Variants in FGR observed in about 807,000 individuals in gnomAD.
FGR encodes the protein tyrosine-protein kinase Fgr.
In FGR, 26 loss-of-function variants were observed where a neutral mutation model predicts 63.2. The observed-to-expected ratio is 0.41, with a 90% CI of 0.30 to 0.57. The LOEUF is 0.57. Ranked by LOEUF, FGR falls within the 20% of genes least tolerant of loss-of-function variation. The pLI, the probability that FGR is intolerant of heterozygous loss-of-function variation, is 0.27. For synonymous variants in FGR, 286 were observed against 277.7 expected, an observed-to-expected ratio of 1.03 and a Z score of -0.30; for missense variants, 511 against 690.8, an observed-to-expected ratio of 0.74 and a Z score of 2.92.
At chr1:27,622,962 G>T in intron 4 of FGR, 80 bp downstream of exon 4, 2 of 991,870 alleles carry the variant, frequency 2.0e-6, no homozygotes, top group Non-Finnish European at 1.6e-6. Context: ...GCATTCTGAG[G>T]CTAGGGACCA....
chr1:27,626,265 G>C, intron 1 of FGR: 1 of 398,548 alleles, frequency 2.5e-6, no homozygotes, highest in East Asian at 3.6e-5. Flanking sequence ...GAGAGGGCTT[G>C]GTTTCCTAAG....
Position 27,615,994 on chromosome 1 carries a change from G to A in FGR, c.683-150C>T, listed in dbSNP as rs928278134. ...CACAGGCCAGGAAGAAAGGCAACCC[G>A]ATCCACTAAATAGGGGAACATGTTG... On this transcript the variant is annotated intron_variant, in intron 7 of 12. Transcript: ENST00000374005. This position sits in a 1 kb window ranked among gnomAD's most constrained non-coding sequence, Gnocchi z 7.6. 10 of 846,580 alleles carry A rather than the reference G, an allele frequency of 1.2e-5. No individual in the cohort carries two copies. Among genetic ancestry groups the A allele is most frequent in the Non-Finnish European group, 1.8e-5 (10 of 567,300 alleles). The allele number at this position is 846,580 out of a possible 1,614,324, so 52.4% of individuals were successfully genotyped here.
chr1:27,631,586 A>G (rs72886364), intron 1 of FGR, among the ~76,000 whole-genome samples: 4,258 of 152,112 alleles, frequency 0.028, 185 homozygotes, highest in African/African-American at 0.097. Context: ...ACAAATGTCC[A>G]CCTCCTGGGG....
chr1:27,614,722 C>A, intron 10 of FGR, 128 bp downstream of exon 10: 1 of 1,333,538 alleles, frequency 7.5e-7, no homozygotes, highest in Non-Finnish European at 1.0e-6. Flanking sequence ...CAGTACCTCT[C>A]AGGCACAGCT....
Position 27,617,044 on chromosome 1 carries a change from T to C in FGR, c.533-38A>G, listed in dbSNP as rs372915431. Reference sequence around the variant, plus strand: ...TCACTTTTGATCTGCTGTTCTCCTCTGCCCTAGTCTGGGAGCTGGGAGAGG... The same window carrying C: ...TCACTTTTGATCTGCTGTTCTCCTCCGCCCTAGTCTGGGAGCTGGGAGAGG... On this transcript the variant is annotated intron_variant, in intron 6 of 12. Coordinates refer to ENST00000374005, the MANE Select transcript of FGR (RefSeq NM_005248.3). This position sits in a 1 kb window ranked among gnomAD's most constrained non-coding sequence, Gnocchi z 4.5. 2.7e-5 allele frequency: 43 copies of C among 1,611,986 alleles called. No individual in the cohort carries two copies. The highest frequency in any genetic ancestry group is 3.6e-5 in the Non-Finnish European group (42 of 1,178,656).
At chr1:27,635,017 GA>G in intron 1 of FGR, 47 bp downstream of exon 1, 1 of 152,396 alleles carries the variant, frequency 6.6e-6, no homozygotes, top group Non-Finnish European at 1.5e-5. Context: ...CCTCGAGGGG[GA>G]GGGCACTGCT....
chr1:27,613,072 G>A lies in FGR; in HGVS notation c.1432C>T (p.Pro478Ser). ...LEQVEQGYHM[P>S]CPPGCPASLY... ...GATGCTGGGCAGCCTGGAGGGCACG[G>A]CATGTGGTAGCCCTGCTCCACCTGT... is the stretch of plus-strand genomic sequence containing the variant. Residue 478 changes from proline (P) to serine (S), a missense_variant, in exon 13 of 13, where the codon CCG becomes TCG. By Grantham distance (74) the Pro-to-Ser change is moderately conservative (BLOSUM62 -1). Coordinates refer to ENST00000374005, the MANE Select transcript of FGR (RefSeq NM_005248.3). 6.2e-7 allele frequency: 1 copy of A among 1,614,204 alleles called. No individual in the cohort carries two copies. Among genetic ancestry groups the A allele is most frequent in the Non-Finnish European group, 8.5e-7 (1 of 1,180,024 alleles).
Position 27,617,166 on chromosome 1 carries a change from C to T in FGR, c.532+27G>A, listed in dbSNP as rs757180373. On this transcript the variant is annotated intron_variant, in intron 6 of 12. Transcript: ENST00000374005. The surrounding 1 kb of genome is among the most constrained non-coding windows in gnomAD (Gnocchi z 4.5). ...TACCCCAATGGCTGGGCCTCCCAGT[C>T]GCCTTGGGGCGTGGCACCACCCCTA... is the stretch of plus-strand genomic sequence containing the variant. 1.1e-5 allele frequency: 18 copies of T among 1,607,166 alleles called. No homozygotes were observed. Among genetic ancestry groups the T allele is most frequent in the African/African-American group, 2.7e-5 (2 of 74,746 alleles).
chr1:27,626,108 A>G (rs2090017377), intron 1 of FGR: 2 of 398,708 alleles, frequency 5.0e-6, no homozygotes, highest in East Asian at 3.6e-5. Context: ...TGGGGCTACC[A>G]GAGTACCTTG....
Position 27,614,926 on chromosome 1 carries a change from C to A in FGR, c.1019G>T (p.Gly340Val). The A allele has an allele frequency of 6.3e-7, 1 of 1,595,726 alleles. No individual in the cohort carries two copies. The highest frequency in any genetic ancestry group is 8.5e-7 in the Non-Finnish European group (1 of 1,169,596). The change falls in exon 10 of 13, where the codon GGC (glycine) becomes GTC (valine). Residue 340 changes from glycine (G) to valine (V), a missense_variant and splice_region_variant. Gly to Val is a moderately radical substitution (Grantham distance 109). Transcript: ENST00000374005. Reference sequence around the variant, plus strand: ...GTTCTTGAGAAAATCCAGCAAGCTGCCTGGGAAGAAGCCAGAAAGTCAGCG... The same window carrying A: ...GTTCTTGAGAAAATCCAGCAAGCTGACTGGGAAGAAGCCAGAAAGTCAGCG... ...IYIVTEFMCH[G>V]SLLDFLKNPE...
At position 27,615,509 on chromosome 1, in the gene FGR, G is replaced by A; in HGVS notation, c.943C>T (p.His315Tyr). 6.2e-7 allele frequency: 1 copy of A among 1,613,884 alleles called. No homozygotes were observed. Among genetic ancestry groups the A allele is most frequent in the Non-Finnish European group, 8.5e-7 (1 of 1,179,768 alleles). The change falls in exon 9 of 13, where the codon CAC becomes TAC. Residue 315 changes from histidine to tyrosine, a missense_variant. Coordinates refer to ENST00000374005, the MANE Select transcript of FGR (RefSeq NM_005248.3). This position sits in a 1 kb window ranked among gnomAD's most constrained non-coding sequence, Gnocchi z 7.6. ...EEAQVMKLLRHDKLVQLYAVV... is the reference protein window; with the variant it reads ...EEAQVMKLLRYDKLVQLYAVV... ...GCGTACAGCTGCACCAGCTTGTCGT[G>A]CCGCAGCAGCTTCATGACCTGCGCC...
At chr1:27,629,949 T>C (rs1163360798) in intron 1 of FGR, among the ~76,000 whole-genome samples, 1 of 152,224 alleles carries the variant, frequency 6.6e-6, no homozygotes, top group African/African-American at 2.4e-5. Flanking sequence ...GAAGCAATAA[T>C]GCAAGCTTGT....
At chr1:27,621,730 C>A in intron 4 of FGR, 73 bp from the exon 5 acceptor site, 1 of 1,061,148 alleles carries the variant, frequency 9.4e-7, no homozygotes, top group Non-Finnish European at 1.5e-6. Flanking sequence ...GGTGGAGCCA[C>A]ACAGGTCTGC....
rs2148533896 is a variant in FGR, at chr1:27,635,097, G to C, written c.-109C>G. On this transcript the variant is annotated 5_prime_UTR_variant, in exon 1 of 13. Transcript: ENST00000374005. ...CCAATTCTGCCCGGCCCCGGGGTGA[G>C]CCAGCCGGGGCTCCAGCAGCCGCGA... The C allele has an allele frequency of 6.6e-6, 1 of 152,452 alleles. No individual in the cohort carries two copies. The highest frequency in any genetic ancestry group is 2.1e-4 in the South Asian group (1 of 4,832). 9.4% of individuals were successfully genotyped at this position (152,452 alleles called of 1,614,324 possible).
intron 1 of FGR, among the ~76,000 whole-genome samples, chr1:27,631,901 C>CG: frequency 6.6e-6 from 1 of 152,096 alleles, no homozygotes; most frequent in Admixed American, 6.5e-5. Context: ...CTGGGCTGGC[C>CG]GGGGGCAGGC....
rs149809203 is a variant in FGR, at chr1:27,633,227, A to G, written c.-77+1838T>C. 6.6e-5 allele frequency among the ~76,000 whole-genome samples: 10 copies of G among 152,286 alleles called. No individual in the cohort carries two copies. In the East Asian group the frequency reaches 1.9e-3, roughly 29 times the overall value. ...TTCAGGCCTCAGCTCAGGCTACATC[A>G]GAGACGAGATGTCCTGGAATTCTGG... On this transcript the variant is annotated intron_variant, in intron 1 of 12. Transcript: ENST00000374005.
At chr1:27,633,652 G>A (rs897992749) in intron 1 of FGR, among the ~76,000 whole-genome samples, 3 of 152,138 alleles carry the variant, frequency 2.0e-5, no homozygotes, top group South Asian at 2.1e-4. Context: ...GGGCTCCAGC[G>A]ATCCTCCGGC....
At chr1:27,614,799 A>C in intron 10 of FGR, 51 bp downstream of exon 10, 2 of 1,507,840 alleles carry the variant, frequency 1.3e-6, no homozygotes, top group Non-Finnish European at 1.8e-6. Context: ...AGAATTTGTG[A>C]ACAGTTAATA....
rs1446096289 is a variant in FGR at position 27,613,106 on chromosome 1, T to C, written c.1398A>G (p.Glu466=). ...RIPYPGMNKR[E]VLEQVEQGYH... is the part of the protein sequence containing the mutation. ...AGCCCTGCTCCACCTGTTCCAACAC[T>C]TCCCGTTTATTCATGCCTGAAGGAT... The change falls in exon 13 of 13, where the codon GAA becomes GAG. Residue 466 remains glutamate, a synonymous_variant. Coordinates refer to ENST00000374005, the MANE Select transcript of FGR (RefSeq NM_005248.3). 1 of 1,614,148 alleles carries C rather than the reference T, an allele frequency of 6.2e-7. No individual in the cohort carries two copies.
Sources: allele counts gnomAD v4.1 joint callset (sites outside exome capture counted in the v4.1 genomes callset), GRCh38; gene constraint gnomAD v4.1.1; non-coding constraint Gnocchi (gnomAD v3.1); transcripts MANE v1.5; gene names NCBI Gene and HGNC (gene_info 2026-07-23, HGNC 2026-07-21).